The following TMEM132D variants were observed in gnomAD, a reference collection of about 807,000 sequenced individuals.
TMEM132D encodes the protein mature OL transmembrane protein.
TMEM132D carries 21 observed loss-of-function variants against 62.3 expected under a neutral mutation model. The ratio of observed to expected loss-of-function variants is 0.34; its 90% CI spans 0.24 to 0.49. TMEM132D has a LOEUF of 0.49. Ranked by LOEUF, TMEM132D falls within the 20% of genes least tolerant of loss-of-function variation. The pLI is 0.99. For synonymous variants in TMEM132D, 621 were observed against 575.6 expected (o/e 1.08, Z -1.13); for missense variants, 1,346 against 1,402.8 (o/e 0.96, Z 0.65).
At chr12:129,494,523 T>A (rs1023128914) in intron 3 of TMEM132D, among the ~76,000 whole-genome samples, 3 of 152,198 alleles carry the variant, frequency 2.0e-5, no homozygotes, top group Non-Finnish European at 2.9e-5. Flanking sequence ...TATGTAAATT[T>A]TATAACATTT....
chr12:129,888,618 C>T (rs1381826483), intron 1 of TMEM132D, among the ~76,000 whole-genome samples: 3 of 152,154 alleles, frequency 2.0e-5, no homozygotes, highest in Non-Finnish European at 2.9e-5. Flanking sequence ...GCAGGAGAAT[C>T]ACTTGAACCC....
In TMEM132D at chr12:129,367,882, T is replaced by A. The variant is rs1358006251; in HGVS notation, c.1116-30065A>T. On this transcript the variant is annotated intron_variant, in intron 3 of 8. Transcript: ENST00000422113. ...CTCACTGCAATCACCACCTTCCCGG[T>A]GCAAGTAATTCTCCTGCCTCAGCCT... 2.0e-5 allele frequency among the ~76,000 whole-genome samples: 3 copies of A among 150,920 alleles called. No homozygotes were observed. In the Admixed American group the frequency reaches 2.0e-4, roughly 10 times the overall value.
Position 129,078,701 on chromosome 12 carries a change from T to C in TMEM132D, c.1948A>G (p.Ile650Val). Residue 650 changes from isoleucine (I) to valine (V), a missense_variant, in exon 8 of 9, where the codon ATC becomes GTC. By Grantham distance (29) the Ile-to-Val change is conservative. Transcript: ENST00000422113. Reference protein sequence around the residue: ...IQILSPLSDTILAEKTITVLD... With the variant: ...IQILSPLSDTVLAEKTITVLD... ...ACAGTGATGGTCTTTTCAGCGAGGA[T>C]GGTGTCTGACAGAGGAGACAGGATC... The C allele has an allele frequency of 6.2e-7, 1 of 1,614,144 alleles. No individual in the cohort carries two copies. Among genetic ancestry groups the C allele is most frequent in the Non-Finnish European group, 8.5e-7 (1 of 1,180,020 alleles).
At chr12:129,377,079 T>A (rs1870803402) in intron 3 of TMEM132D, among the ~76,000 whole-genome samples, 1 of 152,154 alleles carries the variant, frequency 6.6e-6, no homozygotes, top group African/African-American at 2.4e-5. Context: ...CTTTAAACAT[T>A]GTATTGTGTC....
chr12:129,764,191 G>A (rs1870475676), intron 1 of TMEM132D, among the ~76,000 whole-genome samples: 1 of 152,122 alleles, frequency 6.6e-6, no homozygotes, highest in Admixed American at 6.5e-5. Context: ...ACAAAGCTGT[G>A]GTAATGTCAT....
chr12:129,341,765 T>C (rs1385714418), intron 3 of TMEM132D, among the ~76,000 whole-genome samples: 3 of 149,786 alleles, frequency 2.0e-5, no homozygotes, highest in Admixed American at 6.7e-5. Context: ...ATCACAAGCA[T>C]TCTTATACAC....
In TMEM132D at chr12:129,828,045, G is replaced by C. The variant is rs144053364; in HGVS notation, c.79+75216C>G. Among the ~76,000 whole-genome samples the C allele has an allele frequency of 9.9e-5, 15 of 152,282 alleles. No individual in the cohort carries two copies. The East Asian group carries it at 2.9e-3, about 29-fold the overall frequency. ...TGAAAGCTTATGCTCACCCAGTTTA[G>C]AGGAGGAACATTAATAACTTATTCT... On this transcript the variant is annotated intron_variant, in intron 1 of 8. Transcript: ENST00000422113.
intron 3 of TMEM132D, among the ~76,000 whole-genome samples, chr12:129,519,899 G>A (rs1013188392): frequency 6.6e-6 from 1 of 152,040 alleles, no homozygotes; most frequent in Admixed American, 6.6e-5. Context: ...GTGAGCCACC[G>A]CACCTGGCCA....
chr12:129,752,310 A>C (rs1870025592), intron 1 of TMEM132D, among the ~76,000 whole-genome samples: 1 of 151,940 alleles, frequency 6.6e-6, no homozygotes, highest in Non-Finnish European at 1.5e-5. Flanking sequence ...AATGTAAAAA[A>C]CTCCAAGAGT....
At chr12:129,166,452 G>T (rs1300993209) in intron 5 of TMEM132D, among the ~76,000 whole-genome samples, 1 of 141,290 alleles carries the variant, frequency 7.1e-6, no homozygotes, top group Non-Finnish European at 1.6e-5. Context: ...AGGCTTTTTA[G>T]TATCTCAAGT....
At chr12:129,179,835 C>T (rs914853970) in intron 5 of TMEM132D, among the ~76,000 whole-genome samples, 1 of 152,038 alleles carries the variant, frequency 6.6e-6, no homozygotes, top group East Asian at 1.9e-4. Flanking sequence ...CGAGATCAGC[C>T]TGGCCAACAT....
At chr12:129,754,135 G>A (rs564569213) in intron 1 of TMEM132D, among the ~76,000 whole-genome samples, 8 of 152,128 alleles carry the variant, frequency 5.3e-5, no homozygotes, top group Admixed American at 1.3e-4. Flanking sequence ...AGAAAAGAGC[G>A]GGAAAAGTAG....
chr12:129,627,153 A>G (rs959603227), intron 2 of TMEM132D, among the ~76,000 whole-genome samples: 4 of 152,204 alleles, frequency 2.6e-5, no homozygotes, highest in Non-Finnish European at 5.9e-5. Flanking sequence ...AGAACTAGGC[A>G]AGAGAGCAGT....
intron 3 of TMEM132D, among the ~76,000 whole-genome samples, chr12:129,499,729 T>C (rs1170021321): frequency 6.6e-6 from 1 of 152,194 alleles, no homozygotes; most frequent in African/African-American, 2.4e-5. Context: ...TCAGAGGGTC[T>C]TTAGGTTAAA....
chr12:129,390,025 G>A (rs1016408040), intron 3 of TMEM132D, among the ~76,000 whole-genome samples: 2 of 152,188 alleles, frequency 1.3e-5, no homozygotes, highest in Non-Finnish European at 2.9e-5. Context: ...GCACACTGGC[G>A]TTTTGTTGTC....
rs117957879 is a variant in TMEM132D, at chr12:129,199,973, G to A, written c.1443+9547C>T. On this transcript the variant is annotated intron_variant, in intron 5 of 8. Coordinates refer to ENST00000422113, the MANE Select transcript of TMEM132D (RefSeq NM_133448.3). ...ATAACAAAAATCCTAACGTTAGGAA[G>A]TCAACTTTAGGAAAGAATCACCACT... 5.1e-3 allele frequency among the ~76,000 whole-genome samples: 779 copies of A among 152,300 alleles called. 6 individuals carry two copies. The highest frequency in any genetic ancestry group is 8.3e-3 in the Non-Finnish European group (567 of 68,030).
At chr12:129,348,709 T>A (rs530543653) in intron 3 of TMEM132D, among the ~76,000 whole-genome samples, 1 of 152,252 alleles carries the variant, frequency 6.6e-6, no homozygotes, top group Non-Finnish European at 1.5e-5. Context: ...ATCCCAGAAC[T>A]TAAAGTAAAA....
intron 4 of TMEM132D, among the ~76,000 whole-genome samples, chr12:129,266,994 C>T (rs1297034397): frequency 1.3e-5 from 2 of 152,146 alleles, no homozygotes; most frequent in Non-Finnish European, 2.9e-5. Context: ...AAAAAGTCCT[C>T]CAGCTGCTTC....
intron 3 of TMEM132D, among the ~76,000 whole-genome samples, chr12:129,393,156 T>C (rs1206208427): frequency 2.0e-5 from 3 of 152,246 alleles, no homozygotes. Context: ...GTCAAAGCTT[T>C]ATCTGTGCAG....
Sources: allele counts gnomAD v4.1 joint callset (sites outside exome capture counted in the v4.1 genomes callset), GRCh38; gene constraint gnomAD v4.1.1; transcripts MANE v1.5; gene names NCBI Gene and HGNC (gene_info 2026-07-23, HGNC 2026-07-21).